NFATC1: variants seen among roughly 807,000 people sequenced by gnomAD.
NFATC1 encodes the protein nuclear factor of activated T cells 1.
A neutral mutation model predicts 76.0 loss-of-function variants in NFATC1; 22 were observed. The ratio of observed to expected loss-of-function variants is 0.29; its 90% confidence interval spans 0.21 to 0.41. The LOEUF (loss-of-function observed/expected upper bound fraction) is 0.41, where lower values mean the gene tolerates loss of function less well. NFATC1 is among the 10% of genes least tolerant of loss of function. The pLI, the probability that NFATC1 is intolerant of heterozygous loss-of-function variation, is 1.00. For missense variants in NFATC1, 1,357 were observed against 1,337.7 expected (o/e 1.01, Z -0.23); for synonymous variants, 704 against 613.1 (o/e 1.15, Z -2.19).
At chr18:79,397,826 C>G (rs1023916650) in intron 1 of NFATC1, among the ~76,000 whole-genome samples, 1 of 152,152 alleles carries the variant, frequency 6.6e-6, no homozygotes, top group Non-Finnish European at 1.5e-5. Flanking sequence ...GGGGCAGTGG[C>G]TAGTTTTCGT....
chr18:79,522,377 T>G (rs58265603), intron 9 of NFATC1, among the ~76,000 whole-genome samples: 2,854 of 40,160 alleles, frequency 0.071, 94 homozygotes, highest in East Asian at 0.17. Context: ...TCTGTGTGTG[T>G]GGGGGGGGGT....
intron 9 of NFATC1, among the ~76,000 whole-genome samples, chr18:79,523,326 A>G (rs375395868): frequency 1.2e-3 from 183 of 152,380 alleles, no homozygotes; most frequent in African/African-American, 4.0e-3. Flanking sequence ...TCTGGCCCTC[A>G]TCATTCCCAG....
intron 2 of NFATC1, among the ~76,000 whole-genome samples, chr18:79,415,203 A>G (rs1190165922): frequency 6.6e-6 from 1 of 152,226 alleles, no homozygotes; most frequent in Non-Finnish European, 1.5e-5. Context: ...TTGTAGGGGA[A>G]TTGGAAAGGC....
Position 79,528,113 on chromosome 18 carries a change from GT to G in NFATC1, c.*539del, listed in dbSNP as rs2090816178. On this transcript the variant is annotated 3_prime_UTR_variant, in exon 10 of 10. Transcript: ENST00000427363. ...AGTATGAGTCTCCAACATTTGGAAC[GT>G]TTCCTGGGCTGTCACGTACACTCCT... is the stretch of plus-strand genomic sequence containing the variant. 3 of 398,936 alleles carry G rather than the reference GT, an allele frequency of 7.5e-6. No homozygotes were observed. The highest frequency in any genetic ancestry group is 3.6e-5 in the East Asian group (1 of 28,076). 24.7% of individuals were successfully genotyped at this position (398,936 alleles called of 1,614,324 possible).
chr18:79,467,697 G>T, intron 8 of NFATC1, 115 bp downstream of exon 8: 1 of 1,494,200 alleles, frequency 6.7e-7, no homozygotes, highest in Non-Finnish European at 8.9e-7. Flanking sequence ...ATTTAACTGT[G>T]TGATGTCCCG....
chr18:79,507,390 A>C (rs76073781), intron 9 of NFATC1, among the ~76,000 whole-genome samples: 9,909 of 152,256 alleles, frequency 0.065, 421 homozygotes, highest in Admixed American at 0.098. Context: ...CGGCCGCGTA[A>C]ATCAGGCAGG....
intron 8 of NFATC1, among the ~76,000 whole-genome samples, chr18:79,475,383 C>CCT (rs2089020832): frequency 1.9e-5 from 2 of 107,898 alleles, no homozygotes; most frequent in Non-Finnish European, 3.7e-5. Context: ...GTCGACGTTG[C>CCT]GAGGGAAGCG....
chr18:79,433,868 G>A lies in NFATC1; in HGVS notation c.1386+130G>A, dbSNP rs555013736. On this transcript the variant is annotated intron_variant, in intron 3 of 9. Coordinates refer to ENST00000427363, the MANE Select transcript of NFATC1 (RefSeq NM_001278669.2). ...TGAATGCTCTGTCGTGGTTAGTCCC[G>A]GGCGGCTGCTCACCGCCTCTGAGCT... 4.9e-5 allele frequency: 57 copies of A among 1,157,738 alleles called. No individual in the cohort carries two copies. The Middle Eastern group carries it at 1.3e-3, about 27-fold the overall frequency. The allele number at this position is 1,157,738 out of a possible 1,614,324, so 71.7% of individuals were successfully genotyped here.
intron 7 of NFATC1, among the ~76,000 whole-genome samples, chr18:79,464,696 T>TATATA (rs56730738): frequency 1.0e-5 from 1 of 100,336 alleles, no homozygotes; most frequent in African/African-American, 4.0e-5. Flanking sequence ...ATATATATAT[T>TATATA]TATTTATTTA....
intron 8 of NFATC1, chr18:79,470,047 G>A (rs879260042): frequency 3.9e-5 from 38 of 978,596 alleles, no homozygotes; most frequent in African/African-American, 1.2e-4. Flanking sequence ...CCGCGTGCCC[G>A]CTGCACTTCC....
At chr18:79,512,246 T>C (rs1435117612) in intron 9 of NFATC1, among the ~76,000 whole-genome samples, 3 of 152,144 alleles carry the variant, frequency 2.0e-5, no homozygotes, top group Non-Finnish European at 2.9e-5. Context: ...GTTTGGACTT[T>C]GTTGAAACTG....
intron 9 of NFATC1, chr18:79,497,019 A>G (rs914495984): frequency 3.3e-5 from 5 of 152,194 alleles, no homozygotes; most frequent in African/African-American, 1.2e-4. Context: ...TTTTCTTCCC[A>G]CTAGAGAGAT....
intron 9 of NFATC1, among the ~76,000 whole-genome samples, chr18:79,525,019 A>G (rs1450684745): frequency 1.7e-5 from 2 of 118,514 alleles, no homozygotes; most frequent in Admixed American, 1.6e-4. Context: ...CATCATTACT[A>G]CCCCTCAGGC....
chr18:79,416,133 A>G (rs151269482), intron 2 of NFATC1, among the ~76,000 whole-genome samples: 19 of 152,356 alleles, frequency 1.2e-4, no homozygotes, highest in African/African-American at 4.3e-4. Flanking sequence ...ATTTTAGCAT[A>G]TCGGTCACTT....
intron 8 of NFATC1, among the ~76,000 whole-genome samples, chr18:79,482,220 G>T (rs550129478): frequency 7.3e-6 from 1 of 137,462 alleles, no homozygotes; most frequent in Non-Finnish European, 1.5e-5. Flanking sequence ...TAATTCCAGC[G>T]TGACCTGCTC....
At chr18:79,425,023 CCA>C (rs1345558743) in intron 2 of NFATC1, among the ~76,000 whole-genome samples, 8 of 146,802 alleles carry the variant, frequency 5.4e-5, no homozygotes, top group African/African-American at 1.6e-4. Context: ...CTCTCTGTCT[CCA>C]TCTCTCTCCA....
intron 9 of NFATC1, among the ~76,000 whole-genome samples, chr18:79,520,749 T>G (rs1267626096): frequency 2.9e-5 from 2 of 68,098 alleles, no homozygotes; most frequent in Non-Finnish European, 5.3e-5. Flanking sequence ...TGTGTCTGTG[T>G]GTGTAGGAGG....
At chr18:79,437,478 G>A (rs189150425) in intron 3 of NFATC1, among the ~76,000 whole-genome samples, 1 of 144,958 alleles carries the variant, frequency 6.9e-6, no homozygotes, top group African/African-American at 2.6e-5. Context: ...GGCCGGTCTG[G>A]ATCTGCCGAT....
At position 79,410,937 on chromosome 18, in the gene NFATC1, T is replaced by C; in HGVS notation, c.662T>C (p.Phe221Ser). The change falls in exon 2 of 10, where the codon TTT becomes TCT. Residue 221 changes from phenylalanine (F) to serine (S), a missense_variant. Around this residue, in one of 3 missense-constraint regions of NFATC1, gnomAD observed 691 missense variants for 613.1 expected, o/e 1.13. Coordinates refer to ENST00000427363, the MANE Select transcript of NFATC1 (RefSeq NM_001278669.2). This position sits in a 1 kb window ranked among gnomAD's most constrained non-coding sequence, Gnocchi z 6.7. ...SPKTTDPEEG[F>S]PRGLGACTLL... is the part of the protein sequence containing the mutation. ...AAGACCACGGACCCCGAGGAGGGCT[T>C]TCCCCGCGGGCTGGGGGCCTGCACA... The C allele has an allele frequency of 6.2e-7, 1 of 1,603,602 alleles. No homozygotes were observed. Among genetic ancestry groups the C allele is most frequent in the Non-Finnish European group, 8.5e-7 (1 of 1,176,000 alleles).
Sources: gnomAD v4.1 joint callset for allele counts (sites outside exome capture counted in the v4.1 genomes callset) on GRCh38, gnomAD v4.1.1 for gene constraint, gnomAD v4.1.1 regional missense constraint, Gnocchi (gnomAD v3.1) non-coding constraint, MANE v1.5 for transcripts, NCBI Gene and HGNC (gene_info 2026-07-23, HGNC 2026-07-21) for gene names.